The following IL31RA variants were observed in gnomAD, a reference collection of about 807,000 sequenced individuals.
IL31RA encodes the protein interleukin-31 receptor subunit alpha.
A neutral mutation model predicts 83.7 loss-of-function variants in IL31RA; 66 were observed. That is an observed-to-expected ratio of 0.79 (90% CI 0.65 to 0.97). The LOEUF is 0.97. Ranked by LOEUF, IL31RA falls within the 50% of genes least tolerant of loss-of-function variation. IL31RA has a pLI of 0.00. For missense variants in IL31RA, 798 were observed against 919.4 expected (o/e 0.87, Z 1.71); for synonymous variants, 325 against 329.0 (o/e 0.99, Z 0.13).
intron 5 of IL31RA, among the ~76,000 whole-genome samples, chr5:55,886,365 C>G (rs1341582894): frequency 6.6e-6 from 1 of 150,556 alleles, no homozygotes; most frequent in Non-Finnish European, 1.5e-5. Context: ...CCTCCACCTC[C>G]GGGGTTCAAG....
rs374183694 is a variant in IL31RA at position 55,898,672 on chromosome 5, T to A, written c.853-1244T>A. 0.011 allele frequency among the ~76,000 whole-genome samples: 55 copies of A among 4,802 alleles called. 3 individuals carry two copies. The African/African-American group carries it at 0.13, about 11-fold the overall frequency. 3.2% of individuals were successfully genotyped at this position (4,802 alleles called of 152,430 possible). On this transcript the variant is annotated intron_variant, in intron 7 of 14. Transcript: ENST00000652347. Reference sequence around the variant, plus strand: ...ATTTTAAATAACATATTAATATGTTTTTTAAAAAGATTTTAAATAACATAT... The same window carrying A: ...ATTTTAAATAACATATTAATATGTTATTTAAAAAGATTTTAAATAACATAT...
chr5:55,905,929 G>A (rs1186213579), intron 8 of IL31RA, among the ~76,000 whole-genome samples, 177 bp from the exon 9 acceptor site: 1 of 151,714 alleles, frequency 6.6e-6, no homozygotes, highest in African/African-American at 2.4e-5. Context: ...TCAAGGTGTT[G>A]TGTAAGGAAA....
chr5:55,852,177 A>T (rs779199553), intron 1 of IL31RA: 1 of 152,124 alleles, frequency 6.6e-6, no homozygotes, highest in Non-Finnish European at 1.5e-5. Flanking sequence ...ATTTTATTTT[A>T]TTTATTTTTT....
At chr5:55,892,943 A>T (rs1343530850) in intron 6 of IL31RA, among the ~76,000 whole-genome samples, 1 of 152,094 alleles carries the variant, frequency 6.6e-6, no homozygotes, top group Non-Finnish European at 1.5e-5. Context: ...ATTAAAATGC[A>T]CCCCCCAGCC....
At position 55,916,891 on chromosome 5, in the gene IL31RA, T is replaced by C. The variant is rs1045596343; in HGVS notation, c.2066T>C (p.Leu689Pro). ...CCCCTGGGGAAAAGTTTTGAGGAGC[T>C]CCCAGTTTCACCTGAGATTCCGCCC... The part of the protein sequence containing the change: ...DCPLGKSFEE[L>P]PVSPEIPPRK... Residue 689 changes from leucine (L) to proline (P), a missense_variant, in exon 15 of 15, where the codon CTC becomes CCC. Physicochemically the swap from Leu to Pro is moderately conservative, Grantham distance 98. Transcript: ENST00000652347. 2 of 1,614,066 alleles carry C rather than the reference T, an allele frequency of 1.2e-6. No homozygotes were observed. Among genetic ancestry groups the C allele is most frequent in the Non-Finnish European group, 1.7e-6 (2 of 1,179,978 alleles).
chr5:55,869,755 T>C (rs1055153323), intron 3 of IL31RA, among the ~76,000 whole-genome samples: 5 of 152,228 alleles, frequency 3.3e-5, no homozygotes, highest in Admixed American at 1.3e-4. Flanking sequence ...ATTACAGGCA[T>C]GAGCCACCGT....
chr5:55,883,291 T>C, intron 5 of IL31RA, 96 bp downstream of exon 5: 1 of 1,142,496 alleles, frequency 8.8e-7, no homozygotes, highest in Non-Finnish European at 1.3e-6. Flanking sequence ...TTTCACTTTT[T>C]ACATTAAAAA....
At chr5:55,843,266 A>T in the IL31RA span, among the ~76,000 whole-genome samples, 27 of 152,318 alleles carry the variant, frequency 1.8e-4, 1 homozygote, top group Admixed American at 1.4e-3. Flanking sequence ...GAAAATTGGG[A>T]TTTCAGGAAA....
chr5:55,882,536 C>G (rs1186899239), intron 4 of IL31RA, among the ~76,000 whole-genome samples: 1 of 152,020 alleles, frequency 6.6e-6, no homozygotes, highest in African/African-American at 2.4e-5. Flanking sequence ...TTTTTCTACA[C>G]TTAAAAAATG....
intron 4 of IL31RA, 38 bp downstream of exon 4, chr5:55,872,489 A>C: frequency 7.3e-7 from 1 of 1,364,842 alleles, no homozygotes; most frequent in Non-Finnish European, 1.0e-6. Context: ...CTCTTTATTA[A>C]ATGTTTACCT....
chr5:55,905,316 C>T (rs1749080614), intron 8 of IL31RA, among the ~76,000 whole-genome samples: 1 of 152,072 alleles, frequency 6.6e-6, no homozygotes, highest in Non-Finnish European at 1.5e-5. Flanking sequence ...GAGGGGAGAG[C>T]ATGCCCTGGA....
chr5:55,906,333 T>A, intron 9 of IL31RA, 45 bp downstream of exon 9: 1 of 1,567,642 alleles, frequency 6.4e-7, no homozygotes, highest in Non-Finnish European at 8.8e-7. Context: ...CAGGGTTTGG[T>A]TTCATTTTCA....
At chr5:55,911,831 A>G (rs1561124765) in intron 12 of IL31RA, among the ~76,000 whole-genome samples, 2 of 152,248 alleles carry the variant, frequency 1.3e-5, no homozygotes, top group African/African-American at 4.8e-5. Flanking sequence ...TTTTGCAATA[A>G]CTGAGGCAAG....
At chr5:55,845,545 G>A in the IL31RA span, among the ~76,000 whole-genome samples, 1 of 152,134 alleles carries the variant, frequency 6.6e-6, no homozygotes, top group African/African-American at 2.4e-5. Flanking sequence ...ATTGGAACAT[G>A]GGGGCTATTT....
In IL31RA at chr5:55,916,951, A is replaced by G; in HGVS notation, c.2126A>G (p.Glu709Gly). ...CAATACCTACGTTCGAGGATGCCAG[A>G]GGGGACCCGCCCAGAAGCCAAAGAG... ...KSQYLRSRMP[E>G]GTRPEAKEQL... Residue 709 changes from glutamate (E) to glycine (G), a missense_variant, in exon 15 of 15, where the codon GAG becomes GGG. Transcript: ENST00000652347. 1 of 1,613,940 alleles carries G rather than the reference A, an allele frequency of 6.2e-7. No individual in the cohort carries two copies. The highest frequency in any genetic ancestry group is 2.2e-5 in the East Asian group (1 of 44,876).
At chr5:55,911,231 C>G (rs912380864) in intron 12 of IL31RA, among the ~76,000 whole-genome samples, 3 of 152,116 alleles carry the variant, frequency 2.0e-5, no homozygotes, top group Admixed American at 6.5e-5. Flanking sequence ...AAAGTGATTT[C>G]CCCCTATAAA....
rs569913354 is a variant in IL31RA at position 55,867,226 on chromosome 5, T to C, written c.155-1565T>C. Among the ~76,000 whole-genome samples the C allele has an allele frequency of 5.8e-5, 7 of 121,186 alleles. No individual in the cohort carries two copies. The East Asian group carries it at 1.0e-3, about 18-fold the overall frequency. The allele number at this position is 121,186 out of a possible 152,430, so 79.5% of individuals were successfully genotyped here. On this transcript the variant is annotated intron_variant, in intron 2 of 14. Coordinates refer to ENST00000652347, the MANE Select transcript of IL31RA (RefSeq NM_139017.7). ...GTGTGTGTGCGCATGTGTGTTTGTGTGTGTGTTTGTGTGTGTGTTTGTGTG... is the reference window on the plus strand; with the variant it reads ...GTGTGTGTGCGCATGTGTGTTTGTGCGTGTGTTTGTGTGTGTGTTTGTGTG...
upstream of IL31RA, among the ~76,000 whole-genome samples, chr5:55,847,898 G>A (rs1744973627): frequency 6.6e-6 from 1 of 152,190 alleles, no homozygotes; most frequent in Non-Finnish European, 1.5e-5. Context: ...TTTGAAGAGT[G>A]TTGACTAGAT....
In IL31RA at chr5:55,917,125, G is replaced by A. The variant is rs781611907; in HGVS notation, c.*5G>A. The A allele has an allele frequency of 2.0e-5, 33 of 1,613,946 alleles. No individual in the cohort carries two copies. Among genetic ancestry groups the A allele is most frequent in the East Asian group, 1.1e-4 (5 of 44,882 alleles). On this transcript the variant is annotated 3_prime_UTR_variant, in exon 15 of 15. Coordinates refer to ENST00000652347, the MANE Select transcript of IL31RA (RefSeq NM_139017.7). ...CACACCAAGGGAGAAGTCTAAATGCGACCATAGCATGAGACCCTCGGGGCC... is the reference window on the plus strand; with the variant it reads ...CACACCAAGGGAGAAGTCTAAATGCAACCATAGCATGAGACCCTCGGGGCC...
Sources: allele counts gnomAD v4.1 joint callset (sites outside exome capture counted in the v4.1 genomes callset), GRCh38; gene constraint gnomAD v4.1.1; transcripts MANE v1.5; gene names NCBI Gene and HGNC (gene_info 2026-07-23, HGNC 2026-07-21).